The following CLNK variants were observed in gnomAD, a reference collection of about 807,000 sequenced individuals.
The protein encoded by CLNK is cytokine dependent hematopoietic cell linker.
Under a neutral mutation model 68.6 loss-of-function variants are expected in CLNK, and 74 were observed. The observed-to-expected ratio is 1.08, with a 90% confidence interval of 0.89 to 1.31. The LOEUF is 1.31. Among genes scored for constraint, CLNK ranks in the 50% most tolerant of loss-of-function variants. The pLI, the probability that CLNK is intolerant of heterozygous loss-of-function variation, is 0.00. For synonymous variants in CLNK, 198 were observed against 172.2 expected (o/e 1.15, Z -1.17); for missense variants, 553 against 515.3 (o/e 1.07, Z -0.71).
intron 4 of CLNK, among the ~76,000 whole-genome samples, chr4:10,573,565 C>T (rs1261535236): frequency 1.3e-5 from 2 of 152,138 alleles, no homozygotes; most frequent in African/African-American, 4.8e-5. Context: ...AATAAGGTCA[C>T]CCATTAAAGA....
intron 3 of CLNK, among the ~76,000 whole-genome samples, chr4:10,596,135 C>G (rs570198723): frequency 6.6e-6 from 1 of 152,344 alleles, no homozygotes; most frequent in African/African-American, 2.4e-5. Flanking sequence ...AAGTGATTCT[C>G]CTGCCTCAGC....
At chr4:10,686,051 C>A (rs558993797), upstream of CLNK, among the ~76,000 whole-genome samples, 12 of 152,184 alleles carry the variant, frequency 7.9e-5, no homozygotes, top group Non-Finnish European at 1.5e-4. Flanking sequence ...TATTGTCTCA[C>A]AGTCTGGCCT....
the CLNK span, among the ~76,000 whole-genome samples, chr4:10,709,002 T>A: frequency 6.6e-6 from 1 of 152,224 alleles, no homozygotes; most frequent in Non-Finnish European, 1.5e-5. Context: ...TCAATTGAGA[T>A]GGACCTACCA....
intron 1 of CLNK, among the ~76,000 whole-genome samples, chr4:10,677,422 C>T (rs1200597813): frequency 1.3e-5 from 2 of 151,944 alleles, no homozygotes; most frequent in East Asian, 3.9e-4. Flanking sequence ...ACACAAAAGC[C>T]CAGGTAGTCT....
the CLNK span, among the ~76,000 whole-genome samples, chr4:10,733,256 C>A: frequency 6.6e-6 from 1 of 152,144 alleles, no homozygotes; most frequent in African/African-American, 2.4e-5. Context: ...AAACCCTGTG[C>A]CACAATCCAC....
the CLNK span, among the ~76,000 whole-genome samples, chr4:10,713,001 G>C: frequency 6.6e-6 from 1 of 152,156 alleles, no homozygotes; most frequent in Non-Finnish European, 1.5e-5. Flanking sequence ...TGCCCACCAA[G>C]TTATGCTTAA....
intron 2 of CLNK, among the ~76,000 whole-genome samples, chr4:10,649,695 T>C (rs1337278324): frequency 6.6e-6 from 1 of 152,124 alleles, no homozygotes; most frequent in Non-Finnish European, 1.5e-5. Flanking sequence ...CAAATATGCA[T>C]GGGATTCCAG....
intron 2 of CLNK, among the ~76,000 whole-genome samples, chr4:10,646,961 C>T (rs1217313209): frequency 6.6e-6 from 1 of 152,150 alleles, no homozygotes; most frequent in Non-Finnish European, 1.5e-5. Context: ...GACAGCCTAT[C>T]CTTGGGTAGG....
At chr4:10,658,584 C>T (rs1724070209) in intron 2 of CLNK, among the ~76,000 whole-genome samples, 1 of 152,178 alleles carries the variant, frequency 6.6e-6, no homozygotes, top group South Asian at 2.1e-4. Flanking sequence ...GCCTAGTGCC[C>T]CAGCCTCCCT....
chr4:10,540,384 C>T, intron 11 of CLNK, 110 bp downstream of exon 11: 2 of 755,874 alleles, frequency 2.6e-6, no homozygotes, highest in Non-Finnish European at 2.3e-6. Context: ...ATACACTCCC[C>T]ACCCATTAGG....
chr4:10,675,080 C>G (rs1334548954), intron 1 of CLNK, among the ~76,000 whole-genome samples: 5 of 152,144 alleles, frequency 3.3e-5, no homozygotes, highest in African/African-American at 1.2e-4. Context: ...TGCAGCAAAC[C>G]ACCATGGCAC....
At chr4:10,537,655 CTTTCTT>C (rs755664716) in intron 11 of CLNK, among the ~76,000 whole-genome samples, 138 of 53,100 alleles carry the variant, frequency 2.6e-3, no homozygotes, top group South Asian at 0.011. Context: ...TTCTTTCTTT[CTTTCTT>C]TCTTTCTTTC....
intron 5 of CLNK, 27 bp from the exon 6 acceptor site, chr4:10,566,177 G>A (rs774061705): frequency 2.5e-6 from 4 of 1,611,344 alleles, no homozygotes; most frequent in Non-Finnish European, 3.4e-6. Flanking sequence ...ATTCCAGTGA[G>A]TCAAAGGAAG....
Position 10,513,449 on chromosome 4 carries a change from G to A in CLNK, c.906+15C>T. ...AGTACATCTAGAAGGACTTGGCAGA[G>A]AAGTGTCTGCTTACCTTTCTATCAG... On this transcript the variant is annotated intron_variant, in intron 16 of 18. Transcript: ENST00000226951. 8.1e-6 allele frequency: 13 copies of A among 1,607,216 alleles called. No individual in the cohort carries two copies. The highest frequency in any genetic ancestry group is 1.3e-5 in the African/African-American group (1 of 74,966).
At chr4:10,576,855 G>A (rs1182506106) in intron 4 of CLNK, among the ~76,000 whole-genome samples, 3 of 152,310 alleles carry the variant, frequency 2.0e-5, no homozygotes, top group South Asian at 2.1e-4. Flanking sequence ...CAGGCCATTA[G>A]GTAAATAGAG....
At chr4:10,490,899 G>C (rs965811473) in intron 18 of CLNK, among the ~76,000 whole-genome samples, 1 of 151,338 alleles carries the variant, frequency 6.6e-6, no homozygotes, top group African/African-American at 2.4e-5. Context: ...CAAGTAGCTG[G>C]GATTACAAGC....
At chr4:10,501,556 G>A in intron 17 of CLNK, 145 bp from the exon 18 acceptor site, 2 of 756,898 alleles carry the variant, frequency 2.6e-6, no homozygotes, top group East Asian at 2.9e-5. Context: ...AGTTTTTACT[G>A]AGTGTCTGTA....
At chr4:10,702,550 C>G in the CLNK span, among the ~76,000 whole-genome samples, 1 of 152,160 alleles carries the variant, frequency 6.6e-6, no homozygotes, top group Admixed American at 6.5e-5. Context: ...GGTAGAAGCA[C>G]TAACTAAGAG....
intron 2 of CLNK, among the ~76,000 whole-genome samples, chr4:10,644,308 G>A (rs972434479): frequency 2.0e-5 from 3 of 152,182 alleles, no homozygotes; most frequent in Admixed American, 1.3e-4. Flanking sequence ...AGCAATGACT[G>A]CTCATATTTA....
Sources: gnomAD v4.1 joint callset for allele counts (sites outside exome capture counted in the v4.1 genomes callset) on GRCh38, gnomAD v4.1.1 for gene constraint, MANE v1.5 for transcripts, NCBI Gene and HGNC (gene_info 2026-07-23, HGNC 2026-07-21) for gene names.